Variants in STXBP5L observed in about 807,000 individuals in gnomAD.
STXBP5L encodes the protein syntaxin-binding protein 5-like.
Under a neutral mutation model 144.5 loss-of-function variants are expected in STXBP5L, and 65 were observed. That is an observed-to-expected ratio of 0.45 (90% CI 0.37 to 0.55). The LOEUF is 0.55. STXBP5L is among the 20% of genes least tolerant of loss of function. STXBP5L has a pLI of 0.00. For missense variants in STXBP5L, 1,298 were observed against 1,405.5 expected (o/e 0.92, Z 1.22); for synonymous variants, 505 against 469.6 (o/e 1.08, Z -0.97).
At chr3:121,185,216 G>C (rs561759999) in intron 9 of STXBP5L, among the ~76,000 whole-genome samples, 2 of 152,196 alleles carry the variant, frequency 1.3e-5, no homozygotes, top group Non-Finnish European at 2.9e-5. Flanking sequence ...CAGATGAGTA[G>C]ATTGCAAAAA....
At chr3:121,140,174 C>T (rs1427208546) in intron 7 of STXBP5L, among the ~76,000 whole-genome samples, 1 of 151,992 alleles carries the variant, frequency 6.6e-6, no homozygotes, top group African/African-American at 2.4e-5. Context: ...CAACATCGCT[C>T]ATCATCAGGG....
chr3:120,924,223 C>A (rs1709495514), intron 2 of STXBP5L, among the ~76,000 whole-genome samples: 1 of 152,098 alleles, frequency 6.6e-6, no homozygotes, highest in South Asian at 2.1e-4. Context: ...TTTCACAGTA[C>A]AATTGTATTC....
At chr3:121,146,503 T>C (rs1030906846) in intron 7 of STXBP5L, among the ~76,000 whole-genome samples, 1 of 152,064 alleles carries the variant, frequency 6.6e-6, no homozygotes, top group Non-Finnish European at 1.5e-5. Context: ...TTCTAAAATA[T>C]GTCAGCAATT....
At chr3:120,936,800 C>T (rs1209632645) in intron 2 of STXBP5L, among the ~76,000 whole-genome samples, 1 of 152,086 alleles carries the variant, frequency 6.6e-6, no homozygotes, top group Non-Finnish European at 1.5e-5. Context: ...TTAGGCCTCC[C>T]AAAGTGCTGG....
At chr3:121,314,355 G>T (rs2043694944) in intron 19 of STXBP5L, among the ~76,000 whole-genome samples, 4 of 137,228 alleles carry the variant, frequency 2.9e-5, no homozygotes, top group African/African-American at 1.1e-4. Flanking sequence ...ACCTCGGGAG[G>T]CCGAGGCTGG....
At chr3:120,943,171 A>G (rs1710656010) in intron 2 of STXBP5L, among the ~76,000 whole-genome samples, 1 of 151,794 alleles carries the variant, frequency 6.6e-6, no homozygotes, top group Non-Finnish European at 1.5e-5. Context: ...TGCTATGTCA[A>G]TTAAAAATTA....
At chr3:121,232,185 T>C (rs1167821477) in intron 11 of STXBP5L, among the ~76,000 whole-genome samples, 1 of 152,152 alleles carries the variant, frequency 6.6e-6, no homozygotes, top group East Asian at 1.9e-4. Context: ...CACATATACA[T>C]ATACACATCC....
intron 10 of STXBP5L, among the ~76,000 whole-genome samples, chr3:121,208,502 CA>C (rs764838386): frequency 6.6e-6 from 1 of 151,172 alleles, no homozygotes; most frequent in East Asian, 2.0e-4. Flanking sequence ...ATACTAATAA[CA>C]AAAAAACCCA....
chr3:120,977,387 C>A (rs965900231), intron 3 of STXBP5L, among the ~76,000 whole-genome samples: 23 of 151,730 alleles, frequency 1.5e-4, no homozygotes, highest in Admixed American at 1.5e-3. Context: ...TTTTTGTTTT[C>A]CATTTGCTTG....
chr3:121,195,630 G>C (rs2047891145), intron 9 of STXBP5L, among the ~76,000 whole-genome samples: 3 of 152,202 alleles, frequency 2.0e-5, no homozygotes, highest in Admixed American at 2.0e-4. Context: ...TAATATTTCA[G>C]TGAATTAGTG....
chr3:120,950,097 T>G (rs1711110336), intron 2 of STXBP5L, among the ~76,000 whole-genome samples: 2 of 152,068 alleles, frequency 1.3e-5, no homozygotes, highest in Admixed American at 1.3e-4. Flanking sequence ...ATTACCTAAT[T>G]GAAGTCACTA....
chr3:121,295,410 G>A (rs1398823049), intron 19 of STXBP5L, among the ~76,000 whole-genome samples: 2 of 152,036 alleles, frequency 1.3e-5, no homozygotes, highest in African/African-American at 2.4e-5. Context: ...TTTCAGTTCA[G>A]TATTTTAGTA....
At chr3:121,330,912 C>T (rs2044301747) in intron 20 of STXBP5L, among the ~76,000 whole-genome samples, 1 of 152,206 alleles carries the variant, frequency 6.6e-6, no homozygotes, top group South Asian at 2.1e-4. Flanking sequence ...CTATATCACT[C>T]GCCTGTCACC....
chr3:120,990,855 T>G (rs1158414365), intron 3 of STXBP5L, among the ~76,000 whole-genome samples: 1 of 152,164 alleles, frequency 6.6e-6, no homozygotes, highest in African/African-American at 2.4e-5. Context: ...ACTTAAATGT[T>G]AGACCTAAAA....
intron 20 of STXBP5L, among the ~76,000 whole-genome samples, chr3:121,353,489 T>C (rs919205017): frequency 3.9e-5 from 6 of 152,190 alleles, no homozygotes; most frequent in Admixed American, 6.5e-5. Flanking sequence ...TATAGTATTC[T>C]CCAAAGGTAG....
chr3:121,021,986 C>T (rs1024803684), intron 3 of STXBP5L, among the ~76,000 whole-genome samples: 1 of 151,868 alleles, frequency 6.6e-6, no homozygotes, highest in East Asian at 1.9e-4. Context: ...AAAACTGGTA[C>T]TTTGAAAAGA....
At chr3:121,155,732 A>G (rs1034451081) in intron 8 of STXBP5L, among the ~76,000 whole-genome samples, 1 of 151,848 alleles carries the variant, frequency 6.6e-6, no homozygotes, top group Non-Finnish European at 1.5e-5. Flanking sequence ...AATGCACTAT[A>G]TGAGACCCTG....
chr3:121,041,644 C>T (rs533733666), intron 3 of STXBP5L, 56 bp from the exon 4 acceptor site: 1 of 1,275,586 alleles, frequency 7.8e-7, no homozygotes, highest in Non-Finnish European at 1.1e-6. Flanking sequence ...AGTTTCTTTG[C>T]TCATTAATAT....
At chr3:121,148,409 C>CA in intron 7 of STXBP5L, among the ~76,000 whole-genome samples, 1 of 152,098 alleles carries the variant, frequency 6.6e-6, no homozygotes, top group South Asian at 2.1e-4. Flanking sequence ...TAATAAGCAG[C>CA]ATTTAATAAA....
Sources: gnomAD v4.1 joint callset for allele counts (sites outside exome capture counted in the v4.1 genomes callset) on GRCh38, gnomAD v4.1.1 for gene constraint, MANE v1.5 for transcripts, NCBI Gene and HGNC (gene_info 2026-07-23, HGNC 2026-07-21) for gene names.